Variants in SVIL observed in about 807,000 individuals in gnomAD.
The protein encoded by SVIL is archvillin.
Under a neutral mutation model 240.4 loss-of-function variants are expected in SVIL, and 101 were observed. That is an observed-to-expected ratio of 0.42 (90% CI 0.36 to 0.50). The LOEUF is 0.50. Ranked by LOEUF, SVIL falls within the 20% of genes least tolerant of loss-of-function variation. SVIL has a pLI of 0.01. For synonymous variants in SVIL, 999 were observed against 1,100.0 expected, an observed-to-expected ratio of 0.91 and a Z score of 1.82; for missense variants, 2,512 against 2,818.7, an observed-to-expected ratio of 0.89 and a Z score of 2.46.
chr10:29,718,702 T>C (rs1296768012), intron 1 of SVIL, among the ~76,000 whole-genome samples: 2 of 152,084 alleles, frequency 1.3e-5, no homozygotes, highest in Non-Finnish European at 2.9e-5. Context: ...GAGTAGTCAG[T>C]GCATGTTTCT....
At chr10:29,610,019 C>A (rs930081536) in intron 1 of SVIL, among the ~76,000 whole-genome samples, 8 of 152,196 alleles carry the variant, frequency 5.3e-5, no homozygotes, top group Non-Finnish European at 8.8e-5. Context: ...TGACCTCCCT[C>A]CCCCTGAGAG....
chr10:29,497,748 G>C (rs1948555479), intron 18 of SVIL, among the ~76,000 whole-genome samples: 1 of 152,136 alleles, frequency 6.6e-6, no homozygotes, highest in South Asian at 2.1e-4. Flanking sequence ...GCTGACTTAG[G>C]GTACATGGTT....
Position 29,572,948 on chromosome 10 carries a change from T to C in SVIL, c.-200-3636A>G, listed in dbSNP as rs139740635. ...TTACTCTTCCTGTAGAATACTCAAT[T>C]ACAGTTATCTAAAAGAATCTAAATG... On this transcript the variant is annotated intron_variant, in intron 1 of 37. Coordinates refer to ENST00000355867, the MANE Select transcript of SVIL (RefSeq NM_021738.3). Among the ~76,000 whole-genome samples, 868 of 152,272 alleles carry C rather than the reference T, an allele frequency of 5.7e-3. 6 individuals are homozygous for C. Among genetic ancestry groups the C allele is most frequent in the Non-Finnish European group, 0.011 (717 of 68,014 alleles).
Position 29,531,967 on chromosome 10 carries a change from T to C in SVIL, c.2009+35A>G, listed in dbSNP as rs749601453. Reference sequence around the variant, plus strand: ...TAAAACTCCTGTGTCATTGCCACGTTCCTGGATGAGGAAACTGCGCATACG... The same window carrying C: ...TAAAACTCCTGTGTCATTGCCACGTCCCTGGATGAGGAAACTGCGCATACG... On this transcript the variant is annotated intron_variant, in intron 9 of 37. Coordinates refer to ENST00000355867, the MANE Select transcript of SVIL (RefSeq NM_021738.3). 10 of 1,610,564 alleles carry C rather than the reference T, an allele frequency of 6.2e-6. No individual in the cohort carries two copies. The South Asian group carries it at 1.1e-4, about 18-fold the overall frequency.
In SVIL at chr10:29,696,222, A is replaced by G. The variant is rs867984437; in HGVS notation, c.-399-9571T>C. Among the ~76,000 whole-genome samples, 383 of 151,980 alleles carry G rather than the reference A, an allele frequency of 2.5e-3. 1 individual carries two copies. The highest frequency in any genetic ancestry group is 8.8e-3 in the African/African-American group (364 of 41,560). ...GCCAGCCTCGGCCTCCCGAGGTGCCAGGATTGCAGACGGAGTCTCATTCAC... is the reference window on the plus strand; with the variant it reads ...GCCAGCCTCGGCCTCCCGAGGTGCCGGGATTGCAGACGGAGTCTCATTCAC... On this transcript the variant is annotated intron_variant, in intron 1 of 35. Coordinates refer to the SVIL transcript ENST00000375400.
At chr10:29,504,870 C>T (rs1210737816) in intron 17 of SVIL, among the ~76,000 whole-genome samples, 1 of 152,224 alleles carries the variant, frequency 6.6e-6, no homozygotes, top group African/African-American at 2.4e-5. Context: ...TGAAAACTTA[C>T]ATCCAAATAA....
intron 29 of SVIL, among the ~76,000 whole-genome samples, chr10:29,477,708 C>T (rs1339551596): frequency 6.6e-6 from 1 of 152,196 alleles, no homozygotes; most frequent in Non-Finnish European, 1.5e-5. Context: ...GAGGGATGGT[C>T]TGGAATCTGA....
At chr10:29,618,299 T>C (rs769739354) in intron 1 of SVIL, among the ~76,000 whole-genome samples, 12 of 152,208 alleles carry the variant, frequency 7.9e-5, no homozygotes, top group Non-Finnish European at 1.5e-4. Flanking sequence ...GTTTGTCAAA[T>C]TCAAGTTTTA....
chr10:29,523,302 G>T, intron 15 of SVIL, 149 bp downstream of exon 15: 1 of 687,548 alleles, frequency 1.5e-6, no homozygotes. Flanking sequence ...CAGATCCAGG[G>T]AAGAATAGGA....
rs74918270 is a variant in SVIL at position 29,629,319 on chromosome 10, G to C, written c.-201+5101C>G. ...TCCTCGGAAGCCCCCTTCGAGTCCC[G>C]CACCCCAGCTGGTTGCTTCCATCTC... On this transcript the variant is annotated intron_variant, in intron 1 of 37. Coordinates refer to ENST00000355867, the MANE Select transcript of SVIL (RefSeq NM_021738.3). 5.2e-3 allele frequency among the ~76,000 whole-genome samples: 796 copies of C among 152,130 alleles called. 7 individuals carry two copies. Among genetic ancestry groups the C allele is most frequent in the African/African-American group, 0.018 (765 of 41,502 alleles).
At chr10:29,550,473 GAT>G in intron 6 of SVIL, 122 bp downstream of exon 6, 1 of 1,047,420 alleles carries the variant, frequency 9.5e-7, no homozygotes, top group Non-Finnish European at 1.3e-6. Context: ...CATATACTAT[GAT>G]ATTTCTCCAA....
intron 1 of SVIL, among the ~76,000 whole-genome samples, chr10:29,699,176 C>T (rs986536210): frequency 6.6e-5 from 10 of 152,128 alleles, no homozygotes; most frequent in African/African-American, 1.9e-4. Flanking sequence ...GTTGCCCAGG[C>T]TAGAATGCAG....
intron 17 of SVIL, chr10:29,507,670 A>G (rs1949484684): frequency 1.3e-6 from 1 of 795,370 alleles, no homozygotes; most frequent in African/African-American, 1.9e-5. Flanking sequence ...CCCAAAATTA[A>G]AACAGAAGTT....
chr10:29,639,367 C>T (rs1351324348), upstream of SVIL, among the ~76,000 whole-genome samples: 1 of 151,916 alleles, frequency 6.6e-6, no homozygotes, highest in Non-Finnish European at 1.5e-5. Context: ...GACGGGGTTT[C>T]ACCATGTTGG....
At chr10:29,618,136 T>G (rs1957497462) in intron 1 of SVIL, among the ~76,000 whole-genome samples, 1 of 152,234 alleles carries the variant, frequency 6.6e-6, no homozygotes, top group African/African-American at 2.4e-5. Context: ...GGAGGCGGGC[T>G]AATCCTGTCC....
intron 6 of SVIL, chr10:29,545,176 C>T (rs1410472): frequency 0.34 from 171,319 of 497,992 alleles, 30,172 homozygotes; most frequent in Admixed American, 0.41. Context: ...GGTTTTTAGA[C>T]TAAAATCTCT....
At chr10:29,659,162 T>C (rs1009415861) in intron 2 of SVIL, among the ~76,000 whole-genome samples, 1 of 152,176 alleles carries the variant, frequency 6.6e-6, no homozygotes, top group Non-Finnish European at 1.5e-5. Context: ...AGTCATTCTT[T>C]AGACTCGAGG....
At chr10:29,612,325 T>A (rs988908477) in intron 1 of SVIL, among the ~76,000 whole-genome samples, 9 of 152,214 alleles carry the variant, frequency 5.9e-5, no homozygotes, top group Admixed American at 3.9e-4. Context: ...TTCCCTGCTC[T>A]CTGTTTATCT....
chr10:29,574,536 G>A (rs1955601525), intron 1 of SVIL, among the ~76,000 whole-genome samples: 1 of 152,182 alleles, frequency 6.6e-6, no homozygotes, highest in South Asian at 2.1e-4. Flanking sequence ...GGTAAGACTG[G>A]AGACGAAGGG....
Sources: gnomAD v4.1 joint callset for allele counts (sites outside exome capture counted in the v4.1 genomes callset) on GRCh38, gnomAD v4.1.1 for gene constraint, MANE v1.5 for transcripts, NCBI Gene and HGNC (gene_info 2026-07-23, HGNC 2026-07-21) for gene names.